Variants in CLIP1 observed in about 807,000 individuals in gnomAD.
CLIP1 encodes the protein CAP-Gly domain-containing linker protein 1.
Under a neutral mutation model 161.6 loss-of-function variants are expected in CLIP1, and 66 were observed. The ratio of observed to expected loss-of-function variants is 0.41; its 90% CI spans 0.33 to 0.50. CLIP1 has a LOEUF of 0.50. CLIP1 is among the 20% of genes least tolerant of loss of function. The pLI is 0.27. For missense variants in CLIP1, 1,376 were observed against 1,702.0 expected, an observed-to-expected ratio of 0.81 and a Z score of 3.37; for synonymous variants, 598 against 626.2, an observed-to-expected ratio of 0.96 and a Z score of 0.67.
chr12:122,406,006 GCAGTGAGCCTAGATGGCACCACTGCACTC>G (rs1956315501), intron 1 of CLIP1, among the ~76,000 whole-genome samples: 1 of 152,146 alleles, frequency 6.6e-6, no homozygotes, highest in South Asian at 2.1e-4. Context: ...GGCAGAGGTT[GCAGTGAGCCTAGATGGCACCACTGCACTC>G]CAGCCTGGGT....
intron 5 of CLIP1, chr12:122,356,270 G>C (rs1953351007): frequency 6.6e-6 from 1 of 152,208 alleles, no homozygotes; most frequent in Admixed American, 6.5e-5. Flanking sequence ...CCAGGGTGCT[G>C]AGCAAACTCA....
At chr12:122,325,748 G>A (rs1378233864) in intron 17 of CLIP1, among the ~76,000 whole-genome samples, 2 of 152,142 alleles carry the variant, frequency 1.3e-5, no homozygotes, top group East Asian at 3.8e-4. Flanking sequence ...CCGCCTCCCA[G>A]GCTCAAAGGA....
At chr12:122,284,274 A>G (rs1007118238) in intron 21 of CLIP1, among the ~76,000 whole-genome samples, 1 of 152,172 alleles carries the variant, frequency 6.6e-6, no homozygotes, top group East Asian at 1.9e-4. Flanking sequence ...TTCAAGAGAC[A>G]TCCTCCTAAA....
At chr12:122,415,349 G>A (rs981751519) in intron 1 of CLIP1, among the ~76,000 whole-genome samples, 1 of 151,834 alleles carries the variant, frequency 6.6e-6, no homozygotes, top group Non-Finnish European at 1.5e-5. Context: ...GGGTGTGGTG[G>A]CGGGCGCCTG....
intron 1 of CLIP1, among the ~76,000 whole-genome samples, chr12:122,388,251 A>G (rs1955412905): frequency 1.4e-5 from 2 of 146,812 alleles, no homozygotes; most frequent in South Asian, 2.1e-4. Context: ...ATGGAGTCTC[A>G]CTCTGCCGCC....
At chr12:122,371,941 T>C (rs1566186817) in intron 3 of CLIP1, among the ~76,000 whole-genome samples, 1 of 151,962 alleles carries the variant, frequency 6.6e-6, no homozygotes, top group Non-Finnish European at 1.5e-5. Context: ...TGGACAACCC[T>C]AAAAGGTTAC....
chr12:122,301,542 C>T (rs1048569455), intron 20 of CLIP1, among the ~76,000 whole-genome samples: 17 of 152,184 alleles, frequency 1.1e-4, no homozygotes, highest in African/African-American at 4.1e-4. Flanking sequence ...GGCGTGGTAG[C>T]GCATGCCTAT....
chr12:122,370,113 A>C (rs535280158), intron 3 of CLIP1, among the ~76,000 whole-genome samples: 2 of 151,808 alleles, frequency 1.3e-5, no homozygotes, highest in Admixed American at 1.3e-4. Context: ...CAATGAGCCG[A>C]AATGGCGCTG....
intron 11 of CLIP1, among the ~76,000 whole-genome samples, chr12:122,337,806 G>A (rs1239237643): frequency 1.3e-5 from 2 of 151,672 alleles, no homozygotes; most frequent in East Asian, 1.9e-4. Flanking sequence ...ACGAAGTCAG[G>A]AGATCGAGGC....
At chr12:122,298,945 C>A (rs1014429869) in intron 20 of CLIP1, among the ~76,000 whole-genome samples, 1 of 152,140 alleles carries the variant, frequency 6.6e-6, no homozygotes, top group African/African-American at 2.4e-5. Context: ...CAGGGTGAGA[C>A]TCCGTCTCAA....
chr12:122,382,683 T>A (rs1471215146), intron 1 of CLIP1, among the ~76,000 whole-genome samples: 2 of 151,340 alleles, frequency 1.3e-5, no homozygotes, highest in Non-Finnish European at 2.9e-5. Flanking sequence ...CCACCCTAGG[T>A]GGTAGAGTGA....
Position 122,319,191 on chromosome 12 carries a change from TAAGCTGTTCTTTGTATAAAAA to T in CLIP1, c.3366+20_3366+40del, listed in dbSNP as rs1467591840. 2 of 1,319,830 alleles carry T rather than the reference TAAGCTGTTCTTTGTATAAAAA, an allele frequency of 1.5e-6. No homozygotes were observed. Among genetic ancestry groups the T allele is most frequent in the East Asian group, 4.6e-5 (2 of 43,526 alleles). The allele number at this position is 1,319,830 out of a possible 1,614,324, so 81.8% of individuals were successfully genotyped here. On this transcript the variant is annotated intron_variant, in intron 18 of 25. Coordinates refer to ENST00000620786, the MANE Select transcript of CLIP1 (RefSeq NM_001247997.2). ...GTGACCAAACATTCTACCAAGTTGG[TAAGCTGTTCTTTGTATAAAAA>T]GCTATTTAAATCTGATTACTTCATT... is the stretch of plus-strand genomic sequence containing the variant.
At position 122,311,688 on chromosome 12, in the gene CLIP1, G is replaced by T. The variant is rs1951069208; in HGVS notation, c.3474-1806C>A. Among the ~76,000 whole-genome samples, 1 of 151,938 alleles carries T rather than the reference G, an allele frequency of 6.6e-6. No homozygotes were observed. Among genetic ancestry groups the T allele is most frequent in the Non-Finnish European group, 1.5e-5 (1 of 67,978 alleles). On this transcript the variant is annotated intron_variant, in intron 19 of 25. Coordinates refer to ENST00000620786, the MANE Select transcript of CLIP1 (RefSeq NM_001247997.2). This position sits in a 1 kb window ranked among gnomAD's most constrained non-coding sequence, Gnocchi z 4.3. The stretch of plus-strand genomic sequence containing the variant: ...TCTGCCCGCCTCGGCCTCCCAAAGT[G>T]CTGGGATTACAGGCATGAGCCACCG...
At chr12:122,367,325 A>G (rs1256143700) in intron 3 of CLIP1, among the ~76,000 whole-genome samples, 1 of 152,228 alleles carries the variant, frequency 6.6e-6, no homozygotes, top group Non-Finnish European at 1.5e-5. Context: ...ACTAGTTCCT[A>G]GAACAAAAAG....
rs1167820339 is a variant in CLIP1 at position 122,336,739 on chromosome 12, T to C, written c.2461A>G (p.Ile821Val). Residue 821 changes from isoleucine to valine, a missense_variant, in exon 12 of 26, where the codon ATT becomes GTT. Transcript: ENST00000620786. ...TCTCTCCCCTGGAGCTCTCTGGTAA[T>C]GCTACTAGCCTAACACACAGTGTTA... Reference protein sequence around the residue: ...KNAESSKASSITRELQGRELK... With the variant: ...KNAESSKASSVTRELQGRELK... The C allele has an allele frequency of 2.5e-6, 4 of 1,576,136 alleles. No homozygotes were observed. Among genetic ancestry groups the C allele is most frequent in the Non-Finnish European group, 2.6e-6 (3 of 1,148,312 alleles).
At chr12:122,291,311 TC>T in intron 20 of CLIP1, among the ~76,000 whole-genome samples, 1 of 152,050 alleles carries the variant, frequency 6.6e-6, no homozygotes, top group East Asian at 1.9e-4. Flanking sequence ...TGTCTCAGCC[TC>T]CCAAAGAGTG....
rs147323453 is a variant in CLIP1, at chr12:122,329,654, T to TTAAATAAA, written c.2868-1236_2868-1229dup. ...CAAAAAAAAAAATTAATTAATTAAC[T>TTAAATAAA]TAAATAAATAAATAAATAAATAAAG... On this transcript the variant is annotated intron_variant, in intron 15 of 25. Transcript: ENST00000620786. 2.1e-3 allele frequency among the ~76,000 whole-genome samples: 312 copies of TTAAATAAA among 150,670 alleles called. 1 individual carries two copies. The highest frequency in any genetic ancestry group is 8.6e-4 in the Non-Finnish European group (58 of 67,770).
intron 19 of CLIP1, among the ~76,000 whole-genome samples, chr12:122,314,091 G>A (rs1431640283): frequency 1.3e-5 from 2 of 152,122 alleles, no homozygotes; most frequent in African/African-American, 4.8e-5. Context: ...AGGCGTTCGA[G>A]TACAGCCTGG....
intron 10 of CLIP1, 52 bp downstream of exon 10, chr12:122,347,323 G>T: frequency 7.6e-7 from 1 of 1,322,550 alleles, no homozygotes; most frequent in Non-Finnish European, 1.1e-6. Flanking sequence ...CACCTGAGGT[G>T]TCCACCCTTC....
Sources: gnomAD v4.1 joint callset for allele counts (sites outside exome capture counted in the v4.1 genomes callset) on GRCh38, gnomAD v4.1.1 for gene constraint, Gnocchi (gnomAD v3.1) non-coding constraint, MANE v1.5 for transcripts, NCBI Gene and HGNC (gene_info 2026-07-23, HGNC 2026-07-21) for gene names.